The following TTPA variants were observed in gnomAD, a reference collection of about 807,000 sequenced individuals.
The protein encoded by TTPA is alpha-tocopherol transfer protein.
TTPA carries 23 observed loss-of-function variants against 25.9 expected under a neutral mutation model. The ratio of observed to expected loss-of-function variants is 0.89; its 90% confidence interval spans 0.64 to 1.26. TTPA has a LOEUF of 1.26. Ranked by LOEUF, TTPA falls within the 50% of genes most tolerant of loss-of-function variation. The pLI is 0.00. For synonymous variants in TTPA, 148 were observed against 137.3 expected (o/e 1.08, Z -0.54); for missense variants, 337 against 353.1 (o/e 0.95, Z 0.37).
At chr8:63,067,710 ACC>A (rs1412191833) in intron 2 of TTPA, among the ~76,000 whole-genome samples, 1 of 152,154 alleles carries the variant, frequency 6.6e-6, no homozygotes, top group South Asian at 2.1e-4. Flanking sequence ...TGATCTTGTC[ACC>A]CAGGTATGTG....
At chr8:63,058,909 ATTCTTT>A (rs1255945693), downstream of TTPA, among the ~76,000 whole-genome samples, 1 of 149,476 alleles carries the variant, frequency 6.7e-6, no homozygotes, top group East Asian at 2.0e-4. Context: ...GACACTGTTT[ATTCTTT>A]TTAAGTGATT....
chr8:63,066,069 A>G lies in TTPA; in HGVS notation c.387T>C (p.Ala129=). 6.3e-7 allele frequency: 1 copy of G among 1,597,548 alleles called. No homozygotes were observed. Among genetic ancestry groups the G allele is most frequent in the Non-Finnish European group, 8.5e-7 (1 of 1,176,306 alleles). Residue 129 remains alanine (A), a synonymous_variant, in exon 3 of 5, where the codon GCT becomes GCC. Transcript: ENST00000260116. ...TTAGACTTACTCGAAATACGTCATA[A>G]GCTGTAAAAACTTTGGGGTCCCAGT... ...IAHWDPKVFT[A]YDVFRVSLIT...
chr8:63,080,500 T>C (rs900628196), intron 1 of TTPA, among the ~76,000 whole-genome samples: 2 of 151,998 alleles, frequency 1.3e-5, no homozygotes, highest in African/African-American at 4.8e-5. Context: ...GGCAGGCGGA[T>C]CACGACGTCG....
At chr8:63,074,044 C>A (rs946854553) in intron 1 of TTPA, among the ~76,000 whole-genome samples, 2 of 151,412 alleles carry the variant, frequency 1.3e-5, no homozygotes, top group Non-Finnish European at 3.0e-5. Flanking sequence ...TTGGCACTCT[C>A]AATTTTTCAC....
chr8:63,063,843 T>A (rs1188758505), intron 4 of TTPA, among the ~76,000 whole-genome samples: 1 of 152,082 alleles, frequency 6.6e-6, no homozygotes, highest in Non-Finnish European at 1.5e-5. Context: ...TGGTTTTCAG[T>A]CTTCTGCTGC....
Position 63,060,589 on chromosome 8 carries a change from G to C in TTPA, c.*663C>G, listed in dbSNP as rs1396645571. On this transcript the variant is annotated 3_prime_UTR_variant, in exon 5 of 5. Transcript: ENST00000260116. ...AAAACTTAGCCAGGAGTGGTGGTGT[G>C]CACATGTAATCCTAGCAGAGGTTGC... 2.0e-5 allele frequency: 3 copies of C among 151,908 alleles called. No individual in the cohort carries two copies. The highest frequency in any genetic ancestry group is 6.6e-5 in the Admixed American group (1 of 15,220). 9.4% of individuals were successfully genotyped at this position (151,908 alleles called of 1,614,324 possible).
rs1486655567 is a variant in TTPA at position 63,060,959 on chromosome 8, A to G, written c.*293T>C. 6.8e-6 allele frequency: 2 copies of G among 294,108 alleles called. No individual in the cohort carries two copies. The highest frequency in any genetic ancestry group is 1.3e-5 in the Non-Finnish European group (2 of 152,856). 18.2% of individuals were successfully genotyped at this position (294,108 alleles called of 1,614,324 possible). On this transcript the variant is annotated 3_prime_UTR_variant, in exon 5 of 5. Coordinates refer to ENST00000260116, the MANE Select transcript of TTPA (RefSeq NM_000370.3). ...TTTCTAGAAACATACAAAGATGCAC[A>G]TGAGCAGCTACTTTAGCAATAACTT...
At chr8:63,077,197 G>C (rs1257196992) in intron 1 of TTPA, among the ~76,000 whole-genome samples, 1 of 152,170 alleles carries the variant, frequency 6.6e-6, no homozygotes, top group Non-Finnish European at 1.5e-5. Flanking sequence ...TCCATTCCAA[G>C]ATGGCCGAAT....
At chr8:63,072,839 C>A (rs2129762198) in intron 2 of TTPA, 96 bp downstream of exon 2, 8 of 1,454,160 alleles carry the variant, frequency 5.5e-6, no homozygotes, top group South Asian at 1.2e-5. Context: ...ATATGGTATT[C>A]AAGGAAGAAA....
intron 1 of TTPA, among the ~76,000 whole-genome samples, chr8:63,081,420 G>A (rs1805662067): frequency 6.6e-6 from 1 of 152,004 alleles, no homozygotes; most frequent in African/African-American, 2.4e-5. Context: ...ATGCAGAAAA[G>A]GCCTTTGACA....
chr8:63,073,815 A>G (rs538427637), intron 1 of TTPA, among the ~76,000 whole-genome samples: 1 of 152,312 alleles, frequency 6.6e-6, no homozygotes, highest in South Asian at 2.1e-4. Flanking sequence ...AATCAATCAA[A>G]TGAGTTAGAA....
rs770593544 is a variant in TTPA at position 63,085,982 on chromosome 8, G to A, written c.40C>T (p.Leu14Phe). ...GGAGAGTGGTCCGGTAGCGCGTTGAGCTGCGGCCCCGCCGAGGGCTGGGAT... is the reference window on the plus strand; with the variant it reads ...GGAGAGTGGTCCGGTAGCGCGTTGAACTGCGGCCCCGCCGAGGGCTGGGAT... ...ARSQPSAGPQLNALPDHSPLL... is the reference protein window; with the variant it reads ...ARSQPSAGPQFNALPDHSPLL... The change falls in exon 1 of 5, where the codon CTC (leucine) becomes TTC (phenylalanine). Residue 14 changes from leucine (L) to phenylalanine (F), a missense_variant. Physicochemically the swap from Leu to Phe is conservative, Grantham distance 22 (BLOSUM62 0). Coordinates refer to ENST00000260116, the MANE Select transcript of TTPA (RefSeq NM_000370.3). 2.7e-6 allele frequency: 4 copies of A among 1,497,344 alleles called. No homozygotes were observed. The highest frequency in any genetic ancestry group is 2.5e-5 in the South Asian group (2 of 79,942). 92.8% of individuals were successfully genotyped at this position (1,497,344 alleles called of 1,614,324 possible).
At chr8:63,083,890 CTTT>C (rs575543398) in intron 1 of TTPA, among the ~76,000 whole-genome samples, 3 of 140,776 alleles carry the variant, frequency 2.1e-5, no homozygotes, top group African/African-American at 2.6e-5. Flanking sequence ...TCTTTTTTTT[CTTT>C]TTTTTTTTTG....
In TTPA at chr8:63,085,864, A is replaced by C; in HGVS notation, c.158T>G (p.Leu53Arg). 3 of 1,535,434 alleles carry C rather than the reference A, an allele frequency of 2.0e-6. No individual in the cohort carries two copies. The highest frequency in any genetic ancestry group is 2.5e-5 in the East Asian group (1 of 40,614). ...APLPLTDSFL[L>R]RFLRARDFDL... ...GAAATCCCGGGCGCGCAGGAACCGCAGCAGGAAGGAGTCGGTGAGCGGCAG... is the reference window on the plus strand; with the variant it reads ...GAAATCCCGGGCGCGCAGGAACCGCCGCAGGAAGGAGTCGGTGAGCGGCAG... The change falls in exon 1 of 5, where the codon CTG becomes CGG. Residue 53 changes from leucine to arginine, a missense_variant. By Grantham distance (102) the Leu-to-Arg change is moderately radical. Coordinates refer to ENST00000260116, the MANE Select transcript of TTPA (RefSeq NM_000370.3).
chr8:63,077,203 C>T (rs147907010), intron 1 of TTPA, among the ~76,000 whole-genome samples: 1 of 152,054 alleles, frequency 6.6e-6, no homozygotes, highest in Non-Finnish European at 1.5e-5. Flanking sequence ...CCAAGATGGC[C>T]GAATAGGAAC....
chr8:63,060,125 A>G lies in TTPA; in HGVS notation c.*1127T>C, dbSNP rs1218551079. 1 of 152,224 alleles carries G rather than the reference A, an allele frequency of 6.6e-6. No homozygotes were observed. The highest frequency in any genetic ancestry group is 6.5e-5 in the Admixed American group (1 of 15,282). The allele number at this position is 152,224 out of a possible 1,614,324, so 9.4% of individuals were successfully genotyped here. A position where few individuals can be genotyped will look rare whatever the true frequency, so the allele number is the denominator to read the frequency against. On this transcript the variant is annotated 3_prime_UTR_variant, in exon 5 of 5. Transcript: ENST00000260116. ...CAGATGTAATTGACAGTAATTTTTTAAAATGTAAACATTTCCTTTCCTTTG... is the reference window on the plus strand; with the variant it reads ...CAGATGTAATTGACAGTAATTTTTTGAAATGTAAACATTTCCTTTCCTTTG...
At chr8:63,059,034 T>TTTTTTTGTTTTGTTTTG (rs1563677246), downstream of TTPA, among the ~76,000 whole-genome samples, 1 of 125,442 alleles carries the variant, frequency 8.0e-6, no homozygotes, top group African/African-American at 3.2e-5. Flanking sequence ...TTTTTTTTTT[T>TTTTTTTGTTTTGTTTTG]TTTTTTTTTT....
intron 2 of TTPA, among the ~76,000 whole-genome samples, chr8:63,070,044 T>C (rs999112862): frequency 6.6e-6 from 1 of 152,230 alleles, no homozygotes; most frequent in Non-Finnish European, 1.5e-5. Flanking sequence ...TGACAGCTTT[T>C]CAATGTGCCC....
chr8:63,061,243 CAT>C lies in TTPA; in HGVS notation c.*7_*8del, dbSNP rs1375548971. Reference sequence around the variant, plus strand: ...TTTAGTTAGGAAGCCATTCACATGACATAACTTCTCATTGAATGCTCTCAGAA... The same window carrying C: ...TTTAGTTAGGAAGCCATTCACATGACAACTTCTCATTGAATGCTCTCAGAA... On this transcript the variant is annotated 3_prime_UTR_variant, in exon 5 of 5. Coordinates refer to ENST00000260116, the MANE Select transcript of TTPA (RefSeq NM_000370.3). 4 of 1,612,698 alleles carry C rather than the reference CAT, an allele frequency of 2.5e-6. No individual in the cohort carries two copies. The African/African-American group carries it at 5.3e-5, about 22-fold the overall frequency.
Sources: allele counts gnomAD v4.1 joint callset (sites outside exome capture counted in the v4.1 genomes callset), GRCh38; gene constraint gnomAD v4.1.1; transcripts MANE v1.5; gene names NCBI Gene and HGNC (gene_info 2026-07-23, HGNC 2026-07-21).